The following ITPRID1 variants were observed in gnomAD, a reference collection of about 807,000 sequenced individuals.
ITPRID1 encodes ITPR interacting domain containing 1.
A neutral mutation model predicts 95.4 loss-of-function variants in ITPRID1; 96 were observed. The ratio of observed to expected loss-of-function variants is 1.01; its 90% confidence interval spans 0.85 to 1.19. The LOEUF (loss-of-function observed/expected upper bound fraction) is 1.19, where lower values mean the gene tolerates loss of function less well. Among genes scored for constraint, ITPRID1 ranks in the 50% most tolerant of loss-of-function variants. The pLI, the probability that ITPRID1 is intolerant of heterozygous loss-of-function variation, is 0.00. For missense variants in ITPRID1, 1,339 were observed against 1,252.9 expected, an observed-to-expected ratio of 1.07 and a Z score of -1.04; for synonymous variants, 510 against 453.6, an observed-to-expected ratio of 1.12 and a Z score of -1.58.
chr7:31,574,592 G>T lies in ITPRID1; in HGVS notation c.448G>T (p.Asp150Tyr), dbSNP rs760234704. The change falls in exon 8 of 15, where the codon GAT (aspartate) becomes TAT (tyrosine). Residue 150 changes from aspartate to tyrosine, a missense_variant. Physicochemically the swap from Asp to Tyr is radical, Grantham distance 160. Coordinates refer to ENST00000615280, the MANE Select transcript of ITPRID1 (RefSeq NM_001257967.3). ...WEIDPVEILL[D>Y]LGFGADEPDI... ...GATAGATCCAGTGGAGATTCTCTTG[G>T]ATCTGGGGTTTGGTGCTGATGAGCC... 2 of 1,613,918 alleles carry T rather than the reference G, an allele frequency of 1.2e-6. No individual in the cohort carries two copies. The highest frequency in any genetic ancestry group is 2.2e-5 in the South Asian group (2 of 91,082).
At chr7:31,566,254 A>T (rs755115049) in intron 5 of ITPRID1, among the ~76,000 whole-genome samples, 1 of 152,200 alleles carries the variant, frequency 6.6e-6, no homozygotes, top group Non-Finnish European at 1.5e-5. Flanking sequence ...TCTTCTCATC[A>T]ATATCTGAAA....
At chr7:31,515,474 C>T (rs1048209047) in intron 1 of ITPRID1, among the ~76,000 whole-genome samples, 1 of 152,110 alleles carries the variant, frequency 6.6e-6, no homozygotes, top group Non-Finnish European at 1.5e-5. Context: ...ACTCAGGAGG[C>T]TGAGACAGGA....
chr7:31,648,704 T>G (rs1467134259), intron 12 of ITPRID1, among the ~76,000 whole-genome samples: 1 of 152,196 alleles, frequency 6.6e-6, no homozygotes, highest in Non-Finnish European at 1.5e-5. Flanking sequence ...CCCCAGAACT[T>G]TGAAGTGAAT....
At chr7:31,637,656 A>G (rs1789620377) in intron 10 of ITPRID1, among the ~76,000 whole-genome samples, 1 of 152,098 alleles carries the variant, frequency 6.6e-6, no homozygotes. Flanking sequence ...AGATGAGTAG[A>G]TTGCGAAAAT....
At chr7:31,632,168 G>A (rs1360430486) in intron 10 of ITPRID1, among the ~76,000 whole-genome samples, 1 of 152,222 alleles carries the variant, frequency 6.6e-6, no homozygotes, top group Non-Finnish European at 1.5e-5. Flanking sequence ...CTTGACAGAG[G>A]CAGGGCGTGG....
chr7:31,530,474 G>A (rs540945816), intron 1 of ITPRID1, among the ~76,000 whole-genome samples: 1 of 152,126 alleles, frequency 6.6e-6, no homozygotes, highest in African/African-American at 2.4e-5. Context: ...AGCGTATCTG[G>A]GGGGTATAAG....
At chr7:31,517,813 G>A (rs927700185) in intron 1 of ITPRID1, 1 of 152,462 alleles carries the variant, frequency 6.6e-6, no homozygotes, top group African/African-American at 2.4e-5. Flanking sequence ...CAGACGCCGA[G>A]GCTAAGGAGG....
rs70986698 is a variant in ITPRID1 at position 31,654,053 on chromosome 7, C to CAAAAAA, written c.*1238_*1243dup. 7.7e-6 allele frequency among the ~76,000 whole-genome samples: 1 copy of CAAAAAA among 130,366 alleles called. No homozygotes were observed. The allele number at this position is 130,366 out of a possible 152,430, so 85.5% of individuals were successfully genotyped here. A position where few individuals can be genotyped will look rare whatever the true frequency, so the allele number is the denominator to read the frequency against. On this transcript the variant is annotated 3_prime_UTR_variant, in exon 15 of 15. Transcript: ENST00000615280. Reference sequence around the variant, plus strand: ...GAAAGAGTTGGATGAAGAGTAAGTCCAAAAAAAAAAAAAAAAAAACCAACA... The same window carrying CAAAAAA: ...GAAAGAGTTGGATGAAGAGTAAGTCCAAAAAAAAAAAAAAAAAAAAAAAAACCAACA...
intron 10 of ITPRID1, among the ~76,000 whole-genome samples, chr7:31,600,073 CAAAA>C (rs973108558): frequency 5.3e-5 from 8 of 151,864 alleles, no homozygotes; most frequent in Non-Finnish European, 1.2e-4. Context: ...AAAGATTTAA[CAAAA>C]AAAGTCAGTA....
In ITPRID1 at chr7:31,574,541, A is replaced by G. The variant is rs370418381; in HGVS notation, c.397A>G (p.Ile133Val). Residue 133 changes from isoleucine (I) to valine (V), a missense_variant and splice_region_variant, in exon 8 of 15, where the codon ATT (isoleucine) becomes GTT (valine). Transcript: ENST00000615280. ...AGATATTCATATTTTTTACCACAGCATTCCTGAATGGCTGGAATTTTGGGA... is the reference window on the plus strand; with the variant it reads ...AGATATTCATATTTTTTACCACAGCGTTCCTGAATGGCTGGAATTTTGGGA... ...CYSTASVPQSIPEWLEFWEID... is the reference protein window; with the variant it reads ...CYSTASVPQSVPEWLEFWEID... 1.2e-6 allele frequency: 2 copies of G among 1,612,606 alleles called. No individual in the cohort carries two copies. Among genetic ancestry groups the G allele is most frequent in the Admixed American group, 1.7e-5 (1 of 59,990 alleles).
chr7:31,650,690 T>C (rs1790868089), intron 12 of ITPRID1, among the ~76,000 whole-genome samples: 1 of 152,130 alleles, frequency 6.6e-6, no homozygotes, highest in African/African-American at 2.4e-5. Context: ...TCTAAGCAGA[T>C]TTTCTTTAAT....
At chr7:31,613,691 T>TTCTA (rs1006735620) in intron 10 of ITPRID1, among the ~76,000 whole-genome samples, 2 of 152,176 alleles carry the variant, frequency 1.3e-5, no homozygotes, top group Middle Eastern at 3.2e-3. Flanking sequence ...TTTGTTTTGT[T>TTCTA]TCTATCTAAA....
intron 1 of ITPRID1, among the ~76,000 whole-genome samples, chr7:31,520,407 C>T (rs1032828108): frequency 2.6e-5 from 4 of 152,022 alleles, no homozygotes; most frequent in Admixed American, 1.3e-4. Flanking sequence ...TACTCTACCT[C>T]CTTGAAGGTG....
chr7:31,571,754 A>G (rs532762088), intron 6 of ITPRID1, among the ~76,000 whole-genome samples: 4 of 152,326 alleles, frequency 2.6e-5, no homozygotes, highest in African/African-American at 7.2e-5. Context: ...TTCTTTCAGC[A>G]TATAATTTTA....
intron 1 of ITPRID1, among the ~76,000 whole-genome samples, chr7:31,544,012 C>T (rs575711087): frequency 2.0e-4 from 30 of 151,884 alleles, no homozygotes; most frequent in African/African-American, 7.0e-4. Flanking sequence ...ATCTTTTCTC[C>T]ATTGTATTGC....
rs372753433 is a variant in ITPRID1, at chr7:31,574,547, G to T, written c.403G>T (p.Glu135Ter). 6.2e-7 allele frequency: 1 copy of T among 1,613,036 alleles called. No individual in the cohort carries two copies. Among genetic ancestry groups the T allele is most frequent in the Non-Finnish European group, 8.5e-7 (1 of 1,179,072 alleles). The part of the protein sequence containing the change: ...STASVPQSIP[E>*]WLEFWEIDPV... ...TCATATTTTTTACCACAGCATTCCTGAATGGCTGGAATTTTGGGAGATAGA... is the reference window on the plus strand; with the variant it reads ...TCATATTTTTTACCACAGCATTCCTTAATGGCTGGAATTTTGGGAGATAGA... The change falls in exon 8 of 15, where the codon GAA (glutamate) becomes TAA (stop). Residue 135 changes from glutamate to a stop codon, truncating the protein, a stop_gained. Transcript: ENST00000615280. LOFTEE classifies it high-confidence loss of function.
At chr7:31,531,910 T>A (rs1783610440) in intron 1 of ITPRID1, among the ~76,000 whole-genome samples, 1 of 152,164 alleles carries the variant, frequency 6.6e-6, no homozygotes, top group South Asian at 2.1e-4. Flanking sequence ...GTGGGCTATA[T>A]TACAATCACA....
In ITPRID1 at chr7:31,651,956, T is replaced by A. The variant is rs1451342117; in HGVS notation, c.2729T>A (p.Leu910Gln). ...SEEEREEAEQ[L>Q]QTLREALRQQ... ...ACTTGCAGGGAGGAGGCCGAGCAACTGCAAACGTTACGTGAGGCCCTGAGG... is the reference window on the plus strand; with the variant it reads ...ACTTGCAGGGAGGAGGCCGAGCAACAGCAAACGTTACGTGAGGCCCTGAGG... The change falls in exon 14 of 15, where the codon CTG becomes CAG. Residue 910 changes from leucine to glutamine, a missense_variant. Coordinates refer to ENST00000615280, the MANE Select transcript of ITPRID1 (RefSeq NM_001257967.3). 6.3e-7 allele frequency: 1 copy of A among 1,599,248 alleles called. No homozygotes were observed. Among genetic ancestry groups the A allele is most frequent in the Non-Finnish European group, 8.5e-7 (1 of 1,172,898 alleles).
At chr7:31,519,620 C>CTCCATATATATATATATATATATA in intron 1 of ITPRID1, among the ~76,000 whole-genome samples, 5 of 25,270 alleles carry the variant, frequency 2.0e-4, no homozygotes, top group Non-Finnish European at 1.5e-4. Context: ...CTCTCTCTCT[C>CTCCATATATATATATATATATATA]TATATATATA....
Sources: allele counts gnomAD v4.1 joint callset (sites outside exome capture counted in the v4.1 genomes callset), GRCh38; gene constraint gnomAD v4.1.1; transcripts MANE v1.5; gene names NCBI Gene and HGNC (gene_info 2026-07-23, HGNC 2026-07-21).